Variants in PTPRN2 observed in about 807,000 individuals in gnomAD.
PTPRN2 encodes protein tyrosine phosphatase receptor type N2.
PTPRN2 carries 74 observed loss-of-function variants against 118.8 expected under a neutral mutation model. The observed-to-expected ratio is 0.62, with a 90% confidence interval of 0.52 to 0.76. The LOEUF is 0.76. Ranked by LOEUF, PTPRN2 falls within the 30% of genes least tolerant of loss-of-function variation. The pLI is 0.00. For synonymous variants in PTPRN2, 641 were observed against 608.0 expected (o/e 1.05, Z -0.80); for missense variants, 1,481 against 1,394.4 (o/e 1.06, Z -0.99).
chr7:158,034,159 C>G (rs1488070239), intron 11 of PTPRN2, among the ~76,000 whole-genome samples: 1 of 151,902 alleles, frequency 6.6e-6, no homozygotes, highest in African/African-American at 2.4e-5. Flanking sequence ...ACTCTGCACT[C>G]TGAGGCCTGG....
At chr7:158,351,947 C>T (rs1586427292) in intron 2 of PTPRN2, among the ~76,000 whole-genome samples, 2 of 122,100 alleles carry the variant, frequency 1.6e-5, no homozygotes, top group South Asian at 3.0e-4. Context: ...CTCCTGACCG[C>T]TCCCCTCCTG....
At position 158,167,453 on chromosome 7, in the gene PTPRN2, C is replaced by A. The variant is rs1354277382; in HGVS notation, c.550-162G>T. Among the ~76,000 whole-genome samples the A allele has an allele frequency of 2.6e-5, 4 of 151,050 alleles. No homozygotes were observed. In the Admixed American group the frequency reaches 2.7e-4, roughly 10 times the overall value. ...CAAGGTCCTAAACAGCCCTGGACATCTCTGAAATGTAAAGCCAAAACAGGA... is the reference window on the plus strand; with the variant it reads ...CAAGGTCCTAAACAGCCCTGGACATATCTGAAATGTAAAGCCAAAACAGGA... On this transcript the variant is annotated intron_variant, in intron 5 of 22. Coordinates refer to ENST00000389418, the MANE Select transcript of PTPRN2 (RefSeq NM_002847.5).
chr7:157,850,435 T>G (rs1809193253), intron 12 of PTPRN2, among the ~76,000 whole-genome samples: 1 of 148,484 alleles, frequency 6.7e-6, no homozygotes, highest in African/African-American at 2.5e-5. Flanking sequence ...ATTTCCGACG[T>G]GGGGTGCCTC....
chr7:158,285,639 C>G (rs1799719150), intron 3 of PTPRN2, among the ~76,000 whole-genome samples: 1 of 152,238 alleles, frequency 6.6e-6, no homozygotes, highest in African/African-American at 2.4e-5. Context: ...ATTCCCACAC[C>G]ACAGAGCATG....
At chr7:158,149,015 C>A (rs1585629038) in intron 6 of PTPRN2, among the ~76,000 whole-genome samples, 1 of 136,530 alleles carries the variant, frequency 7.3e-6, no homozygotes, top group East Asian at 2.2e-4. Context: ...AATGACATCC[C>A]ATCTCACGCC....
intron 1 of PTPRN2, among the ~76,000 whole-genome samples, chr7:158,531,660 T>G (rs1825246969): frequency 6.6e-6 from 1 of 152,232 alleles, no homozygotes; most frequent in Non-Finnish European, 1.5e-5. Context: ...CTGAAGCAAG[T>G]GCAGGAAAGA....
chr7:158,545,430 A>G (rs1303278334), intron 1 of PTPRN2, among the ~76,000 whole-genome samples: 4 of 152,232 alleles, frequency 2.6e-5, no homozygotes, highest in East Asian at 1.9e-4. Context: ...CGTATTCTCA[A>G]GTAGAACTGT....
chr7:158,410,516 G>A (rs1179194000), intron 2 of PTPRN2, among the ~76,000 whole-genome samples: 1 of 152,186 alleles, frequency 6.6e-6, no homozygotes, highest in Non-Finnish European at 1.5e-5. Context: ...AGGCATGTGG[G>A]GTGACCAAGG....
chr7:158,068,279 G>A (rs1273911007), intron 11 of PTPRN2, among the ~76,000 whole-genome samples: 25 of 152,242 alleles, frequency 1.6e-4, no homozygotes, highest in Admixed American at 1.6e-3. Flanking sequence ...CCCACTGGGT[G>A]CTGAGCTTGC....
At chr7:157,935,165 GCTT>G (rs1386871065) in intron 11 of PTPRN2, among the ~76,000 whole-genome samples, 4 of 152,164 alleles carry the variant, frequency 2.6e-5, no homozygotes, top group Non-Finnish European at 2.9e-5. Context: ...GGTTCTCTGA[GCTT>G]CTTCTTTTTC....
chr7:157,770,149 G>T (rs573678056), intron 12 of PTPRN2, among the ~76,000 whole-genome samples: 1 of 152,344 alleles, frequency 6.6e-6, no homozygotes, highest in East Asian at 1.9e-4. Context: ...ATTTAGAGAT[G>T]AAATTCTGGC....
intron 12 of PTPRN2, among the ~76,000 whole-genome samples, chr7:157,841,823 A>C (rs755220723): frequency 6.6e-6 from 1 of 152,210 alleles, no homozygotes; most frequent in Non-Finnish European, 1.5e-5. Flanking sequence ...CTCTCTGGTT[A>C]TCAGGAGAAC....
chr7:157,800,642 C>T (rs895308457), intron 12 of PTPRN2, among the ~76,000 whole-genome samples: 2 of 152,128 alleles, frequency 1.3e-5, no homozygotes, highest in African/African-American at 4.8e-5. Context: ...AGGTTCTTTG[C>T]TTTTTTTAAC....
At position 157,629,717 on chromosome 7, in the gene PTPRN2, G is replaced by C. The variant is rs894946141; in HGVS notation, c.2197-8208C>G. 2.0e-5 allele frequency among the ~76,000 whole-genome samples: 3 copies of C among 152,246 alleles called. No homozygotes were observed. Among genetic ancestry groups the C allele is most frequent in the African/African-American group, 4.8e-5 (2 of 41,478 alleles). On this transcript the variant is annotated intron_variant, in intron 14 of 22. Coordinates refer to ENST00000389418, the MANE Select transcript of PTPRN2 (RefSeq NM_002847.5). The surrounding 1 kb of genome is among the most constrained non-coding windows in gnomAD (Gnocchi z 4.4). ...CCACTGTAGAACAAGGCGTGTTAAA[G>C]AAAGCTGGGCTTTGGGGAACCCAGT...
intron 12 of PTPRN2, among the ~76,000 whole-genome samples, chr7:157,898,314 G>A (rs1192383170): frequency 6.6e-6 from 1 of 152,214 alleles, no homozygotes; most frequent in Admixed American, 6.5e-5. Context: ...GGAGGAAAGA[G>A]TAATCCCTCT....
At chr7:158,274,375 CA>C (rs1798804896) in intron 3 of PTPRN2, among the ~76,000 whole-genome samples, 1 of 125,572 alleles carries the variant, frequency 8.0e-6, no homozygotes, top group African/African-American at 3.1e-5. Flanking sequence ...GCCGCAGACA[CA>C]GGGGGAGCCG....
chr7:157,563,327 C>T (rs1799307316), intron 21 of PTPRN2, among the ~76,000 whole-genome samples: 1 of 126,914 alleles, frequency 7.9e-6, no homozygotes, highest in South Asian at 3.1e-4. Flanking sequence ...CATCACCACA[C>T]CACATGCAGC....
chr7:158,571,522 TTTC>T lies in PTPRN2; in HGVS notation c.112+16033_112+16035del, dbSNP rs1200554427. 1.6e-3 allele frequency among the ~76,000 whole-genome samples: 138 copies of T among 87,946 alleles called. 2 individuals carry two copies. Among genetic ancestry groups the T allele is most frequent in the East Asian group, 9.9e-3 (17 of 1,710 alleles). 57.7% of individuals were successfully genotyped at this position (87,946 alleles called of 152,430 possible). On this transcript the variant is annotated intron_variant, in intron 1 of 22. Transcript: ENST00000389418. Reference sequence around the variant, plus strand: ...AAAAACAAAAAAAAACACACACCTATTTCTTTTTTTTTTTTTTTTTTTTTCTTT... The same window carrying T: ...AAAAACAAAAAAAAACACACACCTATTTTTTTTTTTTTTTTTTTTTTCTTT...
intron 12 of PTPRN2, among the ~76,000 whole-genome samples, chr7:157,735,952 T>C (rs1015567246): frequency 6.6e-6 from 1 of 152,206 alleles, no homozygotes; most frequent in Non-Finnish European, 1.5e-5. Flanking sequence ...CTTTCTGAGC[T>C]GAAGGTGACG....
Sources: allele counts gnomAD v4.1 joint callset (sites outside exome capture counted in the v4.1 genomes callset), GRCh38; gene constraint gnomAD v4.1.1; non-coding constraint Gnocchi (gnomAD v3.1); transcripts MANE v1.5; gene names NCBI Gene and HGNC (gene_info 2026-07-23, HGNC 2026-07-21).